CLVS2: variants seen among roughly 807,000 people sequenced by gnomAD.
The protein encoded by CLVS2 is clavesin-2.
Under a neutral mutation model 29.0 loss-of-function variants are expected in CLVS2, and 19 were observed. The observed-to-expected ratio is 0.66, with a 90% CI of 0.46 to 0.96. The LOEUF (loss-of-function observed/expected upper bound fraction) is 0.96. CLVS2 is among the 40% of genes least tolerant of loss of function. The pLI is 0.00. For synonymous variants in CLVS2, 161 were observed against 151.3 expected (o/e 1.06, Z -0.47); for missense variants, 294 against 404.1 (o/e 0.73, Z 2.34).
intron 3 of CLVS2, among the ~76,000 whole-genome samples, chr6:123,040,226 G>A (rs984549803): frequency 6.6e-6 from 1 of 152,192 alleles, no homozygotes; most frequent in African/African-American, 2.4e-5. Context: ...ACATGTCAGA[G>A]GCCCTGTGCA....
chr6:123,026,313 T>G (rs1034200202), intron 3 of CLVS2, among the ~76,000 whole-genome samples: 9 of 152,292 alleles, frequency 5.9e-5, no homozygotes, highest in African/African-American at 2.2e-4. Context: ...TTACATATTT[T>G]GCTATTTGGA....
chr6:123,046,564 C>T (rs1303654566), intron 3 of CLVS2, among the ~76,000 whole-genome samples: 1 of 151,430 alleles, frequency 6.6e-6, no homozygotes, highest in Non-Finnish European at 1.5e-5. Context: ...GAGACTGAGG[C>T]AGGAGAATCG....
At chr6:123,003,852 G>T (rs1195431637) in intron 2 of CLVS2, among the ~76,000 whole-genome samples, 1 of 152,092 alleles carries the variant, frequency 6.6e-6, no homozygotes, top group African/African-American at 2.4e-5. Flanking sequence ...AACATTTATT[G>T]TTCCATTTTA....
At chr6:123,028,808 G>A (rs1201674298) in intron 3 of CLVS2, among the ~76,000 whole-genome samples, 4 of 151,922 alleles carry the variant, frequency 2.6e-5, no homozygotes, top group South Asian at 4.1e-4. Context: ...TCTTCATGAC[G>A]TAGTTTTAAA....
chr6:123,013,725 A>G (rs1372434263), intron 3 of CLVS2, among the ~76,000 whole-genome samples: 1 of 151,884 alleles, frequency 6.6e-6, no homozygotes, highest in African/African-American at 2.4e-5. Context: ...TTAGTTACAT[A>G]TGTATACATG....
chr6:123,039,266 C>A lies in CLVS2; in HGVS notation c.565-9356C>A, dbSNP rs538360507. On this transcript the variant is annotated intron_variant, in intron 3 of 5. Transcript: ENST00000275162. ...TAGCTTGAAAGTCAAGTAGGAGACC[C>A]AATCCATTATTGATATACTAGCTGG... 8.5e-5 allele frequency among the ~76,000 whole-genome samples: 13 copies of A among 152,192 alleles called. 1 individual carries two copies. The South Asian group carries it at 2.7e-3, about 32-fold the overall frequency.
Position 123,072,143 on chromosome 6 carries a change from T to C in CLVS2, c.*8382T>C, listed in dbSNP as rs1772959810. ...ACCAAACATATGTTATTCCTTTTCT[T>C]CAGCTACATTGTTGTGCCTTTCCCA... On this transcript the variant is annotated 3_prime_UTR_variant, in exon 6 of 6. Coordinates refer to ENST00000275162, the MANE Select transcript of CLVS2 (RefSeq NM_001010852.4). The C allele has an allele frequency of 6.6e-6, 1 of 152,086 alleles. No individual in the cohort carries two copies. Among genetic ancestry groups the C allele is most frequent in the Non-Finnish European group, 1.5e-5 (1 of 67,962 alleles). 9.4% of individuals were successfully genotyped at this position (152,086 alleles called of 1,614,324 possible).
chr6:123,046,505 C>T (rs1298029738), intron 3 of CLVS2, among the ~76,000 whole-genome samples: 1 of 151,816 alleles, frequency 6.6e-6, no homozygotes, highest in Admixed American at 6.6e-5. Flanking sequence ...ACTAAAAATA[C>T]AAAATTAGCC....
At chr6:123,049,912 C>T (rs532687952) in intron 4 of CLVS2, among the ~76,000 whole-genome samples, 200 of 151,988 alleles carry the variant, frequency 1.3e-3, no homozygotes, top group Non-Finnish European at 5.1e-4. Flanking sequence ...CAAACCTGCA[C>T]GTTGTGCACA....
At chr6:123,057,305 T>C (rs1424117072) in intron 5 of CLVS2, among the ~76,000 whole-genome samples, 1 of 150,966 alleles carries the variant, frequency 6.6e-6, no homozygotes, top group African/African-American at 2.4e-5. Flanking sequence ...ACTCATGGAG[T>C]AATGTGCCTG....
At chr6:123,017,440 A>G (rs1023608900) in intron 3 of CLVS2, among the ~76,000 whole-genome samples, 1 of 152,054 alleles carries the variant, frequency 6.6e-6, no homozygotes, top group African/African-American at 2.4e-5. Flanking sequence ...TTATTTCTAC[A>G]TTTTGTATGC....
intron 3 of CLVS2, among the ~76,000 whole-genome samples, chr6:123,018,465 A>G (rs9372731): frequency 0.39 from 59,707 of 151,370 alleles, 12,045 homozygotes; most frequent in South Asian, 0.48. Context: ...TATAAATTTT[A>G]TCTCATGAAC....
chr6:123,064,180 T>C lies in CLVS2; in HGVS notation c.*419T>C, dbSNP rs1772819099. The C allele has an allele frequency of 2.0e-5, 3 of 153,656 alleles. No homozygotes were observed. The Admixed American group carries it at 2.0e-4, about 10-fold the overall frequency. The allele number at this position is 153,656 out of a possible 1,614,324, so 9.5% of individuals were successfully genotyped here. ...CTCATAGTGATTGTTTCATTGTTTT[T>C]CTCTGAAACTCTGTCAGTATTCAAA... On this transcript the variant is annotated 3_prime_UTR_variant, in exon 6 of 6. Coordinates refer to ENST00000275162, the MANE Select transcript of CLVS2 (RefSeq NM_001010852.4).
intron 5 of CLVS2, among the ~76,000 whole-genome samples, chr6:123,061,311 C>T (rs544871854): frequency 1.2e-4 from 18 of 147,164 alleles, no homozygotes; most frequent in African/African-American, 4.4e-4. Flanking sequence ...AAAACAAAAC[C>T]GAAAAAAAAA....
chr6:123,065,311 A>C lies in CLVS2; in HGVS notation c.*1550A>C, dbSNP rs1772837320. The C allele has an allele frequency of 6.6e-6, 1 of 151,884 alleles. No homozygotes were observed. Among genetic ancestry groups the C allele is most frequent in the Admixed American group, 6.6e-5 (1 of 15,220 alleles). 9.4% of individuals were successfully genotyped at this position (151,884 alleles called of 1,614,324 possible). A position where few individuals can be genotyped will look rare whatever the true frequency, so the allele number is the denominator to read the frequency against. Reference sequence around the variant, plus strand: ...TATTCTTTTGGAAGAAAAATATCTCAGAAACTCTTGGAAACCAACAAAAAT... The same window carrying C: ...TATTCTTTTGGAAGAAAAATATCTCCGAAACTCTTGGAAACCAACAAAAAT... On this transcript the variant is annotated 3_prime_UTR_variant, in exon 6 of 6. Coordinates refer to ENST00000275162, the MANE Select transcript of CLVS2 (RefSeq NM_001010852.4).
chr6:123,056,653 A>G (rs1257851138), intron 5 of CLVS2, among the ~76,000 whole-genome samples: 1 of 152,102 alleles, frequency 6.6e-6, no homozygotes, highest in Non-Finnish European at 1.5e-5. Flanking sequence ...GAGAAACCAA[A>G]GGTTTTGAGG....
intron 3 of CLVS2, among the ~76,000 whole-genome samples, chr6:123,017,153 A>T (rs1774848844): frequency 6.6e-6 from 1 of 151,836 alleles, no homozygotes; most frequent in Admixed American, 6.6e-5. Context: ...AAAAGAACTT[A>T]GTGAGATATT....
At chr6:123,003,994 C>G (rs1359482960) in intron 2 of CLVS2, among the ~76,000 whole-genome samples, 1 of 151,942 alleles carries the variant, frequency 6.6e-6, no homozygotes, top group Non-Finnish European at 1.5e-5. Context: ...CAACCTAAAT[C>G]TAGGGAAAGG....
rs1013543540 is a variant in CLVS2 at position 123,065,742 on chromosome 6, A to G, written c.*1981A>G. 2 of 151,864 alleles carry G rather than the reference A, an allele frequency of 1.3e-5. No homozygotes were observed. The highest frequency in any genetic ancestry group is 2.4e-5 in the African/African-American group (1 of 41,418). 9.4% of individuals were successfully genotyped at this position (151,864 alleles called of 1,614,324 possible). A position where few individuals can be genotyped will look rare whatever the true frequency, so the allele number is the denominator to read the frequency against. ...GCAGTATAATCCATTGGAATAAAAT[A>G]GAAACATTGTAAGTGCAGAGGGCAG... On this transcript the variant is annotated 3_prime_UTR_variant, in exon 6 of 6. Coordinates refer to ENST00000275162, the MANE Select transcript of CLVS2 (RefSeq NM_001010852.4).
Sources: gnomAD v4.1 joint callset for allele counts (sites outside exome capture counted in the v4.1 genomes callset) on GRCh38, gnomAD v4.1.1 for gene constraint, MANE v1.5 for transcripts, NCBI Gene and HGNC (gene_info 2026-07-23, HGNC 2026-07-21) for gene names.